The following KIF21B variants were observed in gnomAD, a reference collection of about 807,000 sequenced individuals.
KIF21B encodes the protein kinesin-like protein KIF21B.
Under a neutral mutation model 192.9 loss-of-function variants are expected in KIF21B, and 85 were observed. The ratio of observed to expected loss-of-function variants is 0.44; its 90% CI spans 0.37 to 0.53. The LOEUF (loss-of-function observed/expected upper bound fraction) is 0.53. Among genes scored for constraint, KIF21B ranks in the 20% least tolerant of loss-of-function variants. KIF21B has a pLI of 0.00. For synonymous variants in KIF21B, 832 were observed against 884.6 expected (o/e 0.94, Z 1.05); for missense variants, 1,716 against 2,194.8 (o/e 0.78, Z 4.36).
chr1:200,994,443 T>A (rs1391605076), intron 15 of KIF21B, among the ~76,000 whole-genome samples: 1 of 152,176 alleles, frequency 6.6e-6, no homozygotes, highest in African/African-American at 2.4e-5. Context: ...CCTAGGCCCC[T>A]CCTGGGATGA....
In KIF21B at chr1:200,990,928, G is replaced by A. The variant is rs777060306; in HGVS notation, c.2676C>T (p.Thr892=). 12 of 1,614,006 alleles carry A rather than the reference G, an allele frequency of 7.4e-6. No homozygotes were observed. The East Asian group carries it at 2.5e-4, about 33-fold the overall frequency. Residue 892 remains threonine, a synonymous_variant, in exon 18 of 35, where the codon ACC becomes ACT. Transcript: ENST00000461742. This position sits in a 1 kb window ranked among gnomAD's most constrained non-coding sequence, Gnocchi z 5.4. ...GDHPAPTVNG[T]RPARKKFQKK... Reference sequence around the variant, plus strand: ...CCAGTCCACCTTACCGGGCAGGACGGGTGCCATTGACAGTGGGCGCAGGAT... The same window carrying A: ...CCAGTCCACCTTACCGGGCAGGACGAGTGCCATTGACAGTGGGCGCAGGAT...
chr1:200,989,480 C>G (rs1424346525), intron 21 of KIF21B, among the ~76,000 whole-genome samples: 1 of 152,212 alleles, frequency 6.6e-6, no homozygotes, highest in Admixed American at 6.5e-5. Flanking sequence ...GCTTAGCTCT[C>G]TGTCAAGGAG....
chr1:200,974,241 T>C lies in KIF21B; in HGVS notation c.4814+473A>G, dbSNP rs1162627740. On this transcript the variant is annotated intron_variant, in intron 34 of 34. Transcript: ENST00000461742. ...GACAGAGAGGAGAGGTGGGAGGAGATGGGAAGGGGAGGGGAGAGAAGGGAC... is the reference window on the plus strand; with the variant it reads ...GACAGAGAGGAGAGGTGGGAGGAGACGGGAAGGGGAGGGGAGAGAAGGGAC... 4 of 1,501,562 alleles carry C rather than the reference T, an allele frequency of 2.7e-6. No individual in the cohort carries two copies. In the South Asian group the frequency reaches 4.1e-5, roughly 15 times the overall value. 93.0% of individuals were successfully genotyped at this position (1,501,562 alleles called of 1,614,324 possible).
At position 200,998,397 on chromosome 1, in the gene KIF21B, C is replaced by T. The variant is rs1657212497; in HGVS notation, c.2064G>A (p.Val688=). Residue 688 remains valine (V), a synonymous_variant, in exon 14 of 35, where the codon GTG becomes GTA. Transcript: ENST00000461742. This position sits in a 1 kb window ranked among gnomAD's most constrained non-coding sequence, Gnocchi z 4.3. ...CGGTGGCCTCACTGAGGTTCTGCAG[C>T]ACACGGTCGCGCTCCAGCTGTGTGT... ...IRDTQLERDR[V]LQNLSTMECY... is the part of the protein sequence containing the mutation. 6.2e-7 allele frequency: 1 copy of T among 1,612,504 alleles called. No homozygotes were observed. The highest frequency in any genetic ancestry group is 8.5e-7 in the Non-Finnish European group (1 of 1,179,366).
In KIF21B at chr1:201,004,390, G is replaced by T; in HGVS notation, c.966C>A (p.Tyr322Ter). The change falls in exon 7 of 35, where the codon TAC becomes TAA. Residue 322 changes from tyrosine (Y) to a stop codon, truncating the protein, a stop_gained. Transcript: ENST00000461742. LOFTEE classifies it high-confidence loss of function. The stretch of plus-strand genomic sequence containing the variant: ...GGAGCCGAGTGAGCTTGGAGTCCCT[G>T]TAGGGAACGTGCACCACCTTCTTGC... ...DQSKKVVHVP[Y>*]RDSKLTRLLQ... 6.3e-7 allele frequency: 1 copy of T among 1,581,228 alleles called. No individual in the cohort carries two copies. The highest frequency in any genetic ancestry group is 8.6e-7 in the Non-Finnish European group (1 of 1,162,838).
intron 14 of KIF21B, among the ~76,000 whole-genome samples, chr1:200,997,824 C>T (rs1657173726): frequency 6.6e-6 from 1 of 152,204 alleles, no homozygotes; most frequent in Non-Finnish European, 1.5e-5. Context: ...ATACTTATCA[C>T]CATTTGACAC....
chr1:201,007,251 G>C lies in KIF21B; in HGVS notation c.447+1518C>G, dbSNP rs1303602470. ...ACACAGACACACACACACAGAGACA[G>C]ACACACACAGACACACACACGCAGA... is the stretch of plus-strand genomic sequence containing the variant. On this transcript the variant is annotated intron_variant, in intron 3 of 34. Coordinates refer to ENST00000461742, the MANE Select transcript of KIF21B (RefSeq NM_001252102.2). 2.3e-3 allele frequency among the ~76,000 whole-genome samples: 55 copies of C among 23,408 alleles called. No individual in the cohort carries two copies. In the African/African-American group the frequency reaches 0.024, roughly 10 times the overall value. The allele number at this position is 23,408 out of a possible 152,430, so 15.4% of individuals were successfully genotyped here.
At position 201,000,645 on chromosome 1, in the gene KIF21B, C is replaced by G; in HGVS notation, c.1467-37G>C. ...GAACGAGTGGACGGGGCCGAGTGAG[C>G]TGCCACAGCCCTTGGCGTCACCTGG... On this transcript the variant is annotated intron_variant, in intron 10 of 34. Transcript: ENST00000461742. The surrounding 1 kb of genome is among the most constrained non-coding windows in gnomAD (Gnocchi z 6.0). 1 of 1,613,068 alleles carries G rather than the reference C, an allele frequency of 6.2e-7. No individual in the cohort carries two copies. The highest frequency in any genetic ancestry group is 8.5e-7 in the Non-Finnish European group (1 of 1,179,428).
chr1:200,986,130 C>T (rs1006783358), intron 26 of KIF21B, among the ~76,000 whole-genome samples: 2 of 151,132 alleles, frequency 1.3e-5, no homozygotes, highest in African/African-American at 4.9e-5. Context: ...TACTGGCGCC[C>T]GGCCTTTCCT....
intron 16 of KIF21B, 64 bp from the exon 17 acceptor site, chr1:200,991,789 C>T (rs907064041): frequency 5.2e-6 from 8 of 1,531,534 alleles, no homozygotes; most frequent in African/African-American, 4.1e-5. Context: ...TGTCTGTGTA[C>T]AGGCTGGCTA....
At chr1:201,018,220 C>G (rs1370018702) in intron 1 of KIF21B, among the ~76,000 whole-genome samples, 1 of 152,214 alleles carries the variant, frequency 6.6e-6, no homozygotes, top group Non-Finnish European at 1.5e-5. Flanking sequence ...CAGCAAAAGA[C>G]TTGGCTGCCC....
chr1:200,996,151 G>T, intron 15 of KIF21B, 45 bp downstream of exon 15: 1 of 1,560,300 alleles, frequency 6.4e-7, no homozygotes, highest in Non-Finnish European at 8.8e-7. Flanking sequence ...CTAAGAAGAT[G>T]TCACAGGCAC....
At position 200,975,780 on chromosome 1, in the gene KIF21B, G is replaced by T; in HGVS notation, c.4444-111C>A. ...ACCCAGGAGTCTGGCTAGGGTGACA[G>T]CCACTGCCCTCTGGGGAGAGGAGCT... On this transcript the variant is annotated intron_variant, in intron 32 of 34. Coordinates refer to ENST00000461742, the MANE Select transcript of KIF21B (RefSeq NM_001252102.2). This position sits in a 1 kb window ranked among gnomAD's most constrained non-coding sequence, Gnocchi z 4.3. The T allele has an allele frequency of 9.1e-7, 1 of 1,101,136 alleles. No individual in the cohort carries two copies. The highest frequency in any genetic ancestry group is 1.3e-6 in the Non-Finnish European group (1 of 792,366). The allele number at this position is 1,101,136 out of a possible 1,614,324, so 68.2% of individuals were successfully genotyped here. A position where few individuals can be genotyped will look rare whatever the true frequency, so the allele number is the denominator to read the frequency against.
At chr1:200,977,444 AAACGTCACTAAGACCAGCCCAAAT>A in intron 30 of KIF21B, 68 bp from the exon 31 acceptor site, 1 of 1,544,914 alleles carries the variant, frequency 6.5e-7, no homozygotes, top group Non-Finnish European at 8.8e-7. Context: ...GAAACCAATA[AAACGTCACTAAGACCAGCCCAAAT>A]AACCTACTTC....
Position 200,992,368 on chromosome 1 carries a change from G to A in KIF21B, c.2299C>T (p.Arg767Cys), listed in dbSNP as rs184368767. The A allele has an allele frequency of 4.8e-5, 78 of 1,613,046 alleles. 1 individual carries two copies. In the East Asian group the frequency reaches 1.4e-3, roughly 28 times the overall value. Reference sequence around the variant, plus strand: ...AGCCGCCGCCGCTGTTGCTCCTCACGCATCTGCTTCATCAGGGCCACCTGG... The same window carrying A: ...AGCCGCCGCCGCTGTTGCTCCTCACACATCTGCTTCATCAGGGCCACCTGG... ...KAKVALMKQM[R>C]EEQQRRRLVE... Residue 767 changes from arginine (R) to cysteine (C), a missense_variant, in exon 16 of 35, where the codon CGT becomes TGT. Physicochemically the swap from Arg to Cys is radical, Grantham distance 180 (BLOSUM62 -3). Transcript: ENST00000461742.
In KIF21B at chr1:200,979,964, C is replaced by T. The variant is rs747175596; in HGVS notation, c.3980-249G>A. On this transcript the variant is annotated intron_variant, in intron 29 of 34. Coordinates refer to ENST00000461742, the MANE Select transcript of KIF21B (RefSeq NM_001252102.2). ...GACCAGGGTTCCTCAAGCAAACTTT[C>T]CACTAACACCAGAGTTTTGTGAGCC... 3.8e-4 allele frequency among the ~76,000 whole-genome samples: 58 copies of T among 152,226 alleles called. 1 individual carries two copies. The highest frequency in any genetic ancestry group is 2.1e-4 in the South Asian group (1 of 4,834).
At chr1:201,008,654 G>A in intron 3 of KIF21B, 115 bp downstream of exon 3, 1 of 984,684 alleles carries the variant, frequency 1.0e-6, no homozygotes, top group Non-Finnish European at 1.5e-6. Flanking sequence ...CTCATCACCT[G>A]GAGATGCCCC....
At chr1:201,004,957 T>C in intron 5 of KIF21B, 24 bp from the exon 6 acceptor site, 1 of 1,593,308 alleles carries the variant, frequency 6.3e-7, no homozygotes, top group East Asian at 2.2e-5. Flanking sequence ...CAGCTCTGAC[T>C]CACCCAGCCC....
chr1:200,983,067 C>T lies in KIF21B; in HGVS notation c.3831G>A (p.Ser1277=), dbSNP rs1422244668. The change falls in exon 28 of 35, where the codon TCG becomes TCA. Residue 1277 remains serine (S), a synonymous_variant. Coordinates refer to ENST00000461742, the MANE Select transcript of KIF21B (RefSeq NM_001252102.2). ...CATTCTGTGTGTACCTCAGGACCTC[C>T]GACAAAGAGGAGTCGCTGTCATCAG... The part of the protein sequence containing the change: ...DKSDDSDSSL[S]EVLRGIISPV... 1.1e-5 allele frequency: 17 copies of T among 1,535,970 alleles called. No homozygotes were observed. The highest frequency in any genetic ancestry group is 1.5e-5 in the Non-Finnish European group (17 of 1,146,880).
Sources: allele counts gnomAD v4.1 joint callset (sites outside exome capture counted in the v4.1 genomes callset), GRCh38; gene constraint gnomAD v4.1.1; non-coding constraint Gnocchi (gnomAD v3.1); transcripts MANE v1.5; gene names NCBI Gene and HGNC (gene_info 2026-07-23, HGNC 2026-07-21).